NEURL3: variants seen among roughly 807,000 people sequenced by gnomAD.
NEURL3 encodes the protein neuralized E3 ubiquitin protein ligase 3.
Under a neutral mutation model 17.6 loss-of-function variants are expected in NEURL3, and 19 were observed. The ratio of observed to expected loss-of-function variants is 1.08; its 90% CI spans 0.75 to 1.58. NEURL3 has a LOEUF of 1.58. Ranked by LOEUF, NEURL3 falls within the 40% of genes most tolerant of loss-of-function variation. The pLI, the probability that NEURL3 is intolerant of heterozygous loss-of-function variation, is 0.00. For missense variants in NEURL3, 342 were observed against 379.6 expected (o/e 0.90, Z 0.82); for synonymous variants, 180 against 161.4 (o/e 1.11, Z -0.87).
At position 96,499,644 on chromosome 2, in the gene NEURL3, T is replaced by C. The variant is rs577794697; in HGVS notation, c.515-195A>G. Among the ~76,000 whole-genome samples, 4 of 152,298 alleles carry C rather than the reference T, an allele frequency of 2.6e-5. No homozygotes were observed. The East Asian group carries it at 7.7e-4, about 29-fold the overall frequency. On this transcript the variant is annotated intron_variant, in intron 2 of 3. Transcript: ENST00000451794. ...GACCCAGCTGAGAATCCGAGAATCC[T>C]TGGGGCTGGAGATTCCTCCTCCTGA...
chr2:96,501,982 C>A (rs759649953), intron 1 of NEURL3, among the ~76,000 whole-genome samples: 9 of 152,208 alleles, frequency 5.9e-5, no homozygotes, highest in East Asian at 1.9e-4. Context: ...CAGGTTTACA[C>A]CCTCTAGCAG....
chr2:96,503,931 G>A (rs1278458796), intron 1 of NEURL3, among the ~76,000 whole-genome samples: 1 of 152,212 alleles, frequency 6.6e-6, no homozygotes, highest in South Asian at 2.1e-4. Flanking sequence ...AGAGGCAGCC[G>A]CTCTTTCTAT....
In NEURL3 at chr2:96,500,528, C is replaced by T. The variant is rs755911872; in HGVS notation, c.425G>A (p.Arg142Gln). ...GGGCACGCCCTCACGCAGCAGGAGC[C>T]GGCAGCCGGCGTTGACCTTGGCGAA... is the stretch of plus-strand genomic sequence containing the variant. ...CLFAKVNAGC[R>Q]LLLREGVPVG... Residue 142 changes from arginine to glutamine, a missense_variant, in exon 2 of 4, where the codon CGG becomes CAG. Arg to Gln is a conservative substitution (Grantham distance 43). Coordinates refer to ENST00000451794, the MANE Select transcript of NEURL3 (RefSeq NM_001285485.2). 6.3e-7 allele frequency: 1 copy of T among 1,579,054 alleles called. No homozygotes were observed. Among genetic ancestry groups the T allele is most frequent in the African/African-American group, 1.3e-5 (1 of 74,440 alleles).
At position 96,498,273 on chromosome 2, in the gene NEURL3, G is replaced by C; in HGVS notation, c.760C>G (p.Pro254Ala). Residue 254 changes from proline (P) to alanine (A), a missense_variant, in exon 4 of 4, where the codon CCT becomes GCT. Physicochemically the swap from Pro to Ala is conservative, Grantham distance 27. Transcript: ENST00000451794. The surrounding 1 kb of genome is among the most constrained non-coding windows in gnomAD (Gnocchi z 4.4). ...GAGCCTTCCTCAACCCTCAGAGCAG[G>C]AGGGCCCTGCGCAGGGGCTACCGCC... ...IEAVAPAQGP[P>A]ALRVEEGS 6.3e-7 allele frequency: 1 copy of C among 1,578,500 alleles called. No homozygotes were observed. The highest frequency in any genetic ancestry group is 1.1e-5 in the South Asian group (1 of 87,884).
At chr2:96,499,496 C>T (rs1186036445) in intron 2 of NEURL3, 47 bp from the exon 3 acceptor site, 1 of 1,525,826 alleles carries the variant, frequency 6.6e-7, no homozygotes, top group East Asian at 2.3e-5. Context: ...AGCCCAGGTG[C>T]CCCCCCATCC....
upstream of NEURL3, among the ~76,000 whole-genome samples, chr2:96,506,089 G>A (rs971115551): frequency 2.0e-5 from 3 of 152,184 alleles, no homozygotes; most frequent in Admixed American, 2.0e-4. Flanking sequence ...ATGGAGGGAA[G>A]GTGGCTTACT....
Position 96,500,722 on chromosome 2 carries a change from G to C in NEURL3, c.231C>G (p.Arg77=). The C allele has an allele frequency of 6.6e-7, 1 of 1,516,354 alleles. No homozygotes were observed. 93.9% of individuals were successfully genotyped at this position (1,516,354 alleles called of 1,614,324 possible). The part of the protein sequence containing the change: ...REESGWCGGL[R]VGFTRLDPAC... ...CGGGGTCCAGGCGCGTGAAGCCCAC[G>C]CGGAGGCCGCCGCACCAGCCGCTCT... The change falls in exon 2 of 4, where the codon CGC becomes CGG. Residue 77 remains arginine, a synonymous_variant. Coordinates refer to ENST00000451794, the MANE Select transcript of NEURL3 (RefSeq NM_001285485.2).
At chr2:96,500,253 T>C in intron 2 of NEURL3, 186 bp downstream of exon 2, 1 of 753,408 alleles carries the variant, frequency 1.3e-6, no homozygotes, top group Non-Finnish European at 2.1e-6. Context: ...GGGACAAGAC[T>C]GCCCTCCCTA....
At chr2:96,503,216 T>C (rs925044695) in intron 1 of NEURL3, among the ~76,000 whole-genome samples, 9 of 152,138 alleles carry the variant, frequency 5.9e-5, no homozygotes, top group Non-Finnish European at 1.0e-4. Flanking sequence ...CGGAATGGCC[T>C]TGAGGGTGCA....
rs564076465 is a variant in NEURL3 at position 96,500,501 on chromosome 2, A to C, written c.452T>G (p.Val151Gly). The C allele has an allele frequency of 6.3e-7, 1 of 1,592,924 alleles. No homozygotes were observed. Among genetic ancestry groups the C allele is most frequent in the African/African-American group, 1.3e-5 (1 of 74,936 alleles). ...CATCACGGCCCAGAGCGGGGCGCCG[A>C]CGGGCACGCCCTCACGCAGCAGGAG... ...CRLLLREGVP[V>G]GAPLWAVMDV... The change falls in exon 2 of 4, where the codon GTC becomes GGC. Residue 151 changes from valine to glycine, a missense_variant. Physicochemically the swap from Val to Gly is moderately radical, Grantham distance 109. Transcript: ENST00000451794.
At position 96,499,364 on chromosome 2, in the gene NEURL3, G is replaced by A; in HGVS notation, c.586+14C>T. ...GATTCCCGGGGAGTCCCTGATTCTT[G>A]GGAAGGCACTCACCTTTGGGCTCAG... is the stretch of plus-strand genomic sequence containing the variant. On this transcript the variant is annotated intron_variant, in intron 3 of 3. Coordinates refer to ENST00000451794, the MANE Select transcript of NEURL3 (RefSeq NM_001285485.2). 2.5e-6 allele frequency: 4 copies of A among 1,598,902 alleles called. No homozygotes were observed. Among genetic ancestry groups the A allele is most frequent in the Non-Finnish European group, 3.4e-6 (4 of 1,179,342 alleles).
intron 1 of NEURL3, chr2:96,504,820 G>GT (rs1460629601): frequency 6.8e-6 from 1 of 146,782 alleles, no homozygotes; most frequent in African/African-American, 2.5e-5. Flanking sequence ...AGAGCTTGCA[G>GT]TGAGCTGAGA....
chr2:96,503,380 G>A lies in NEURL3; in HGVS notation c.28+1879C>T, dbSNP rs1016181148. Among the ~76,000 whole-genome samples the A allele has an allele frequency of 5.3e-5, 8 of 152,230 alleles. No homozygotes were observed. The South Asian group carries it at 6.2e-4, about 12-fold the overall frequency. On this transcript the variant is annotated intron_variant, in intron 1 of 3. Coordinates refer to ENST00000451794, the MANE Select transcript of NEURL3 (RefSeq NM_001285485.2). Reference sequence around the variant, plus strand: ...CAGGGCTGGTGGGTGCCGAGGGGACGTGGTGGCTGCACAGGTCATTCCGCA... The same window carrying A: ...CAGGGCTGGTGGGTGCCGAGGGGACATGGTGGCTGCACAGGTCATTCCGCA...
intron 2 of NEURL3, 43 bp from the exon 3 acceptor site, chr2:96,499,492 G>A (rs758541255): frequency 3.2e-6 from 5 of 1,571,336 alleles, no homozygotes; most frequent in Middle Eastern, 3.6e-4. Context: ...GGCAAGCCCA[G>A]GTGCCCCCCC....
chr2:96,503,409 G>A lies in NEURL3; in HGVS notation c.28+1850C>T, dbSNP rs145130630. Among the ~76,000 whole-genome samples, 1,229 of 152,254 alleles carry A rather than the reference G, an allele frequency of 8.1e-3. 9 individuals carry two copies. The highest frequency in any genetic ancestry group is 0.011 in the Non-Finnish European group (742 of 67,996). On this transcript the variant is annotated intron_variant, in intron 1 of 3. Coordinates refer to ENST00000451794, the MANE Select transcript of NEURL3 (RefSeq NM_001285485.2). ...TGGCTGCACAGGTCATTCCGCAGCC[G>A]GGGCATCTAAGCAGCCTCCTCTGTG...
At position 96,499,463 on chromosome 2, in the gene NEURL3, A is replaced by G. The variant is rs762600543; in HGVS notation, c.515-14T>C. 32 of 1,599,244 alleles carry G rather than the reference A, an allele frequency of 2.0e-5. 1 individual carries two copies. The Admixed American group carries it at 5.3e-4, about 27-fold the overall frequency. On this transcript the variant is annotated splice_polypyrimidine_tract_variant and intron_variant, in intron 2 of 3. Transcript: ENST00000451794. Reference sequence around the variant, plus strand: ...TGGCTGTGGGATCTGAGGCAGAGAGAGAAACTCAGGTCCAGGACGGCAAGC... The same window carrying G: ...TGGCTGTGGGATCTGAGGCAGAGAGGGAAACTCAGGTCCAGGACGGCAAGC...
chr2:96,505,373 G>A (rs2065552947), upstream of NEURL3: 21 of 1,416,200 alleles, frequency 1.5e-5, no homozygotes, highest in Non-Finnish European at 1.9e-5. Flanking sequence ...AGATTCAGCA[G>A]GTCTGCTTTT....
At chr2:96,506,781 C>G (rs1031293836), upstream of NEURL3, among the ~76,000 whole-genome samples, 8 of 152,234 alleles carry the variant, frequency 5.3e-5, no homozygotes, top group Non-Finnish European at 1.0e-4. Context: ...AACTCTGAGC[C>G]TCAGACTGTC....
chr2:96,501,700 A>G (rs534679434), intron 1 of NEURL3, among the ~76,000 whole-genome samples: 7 of 152,124 alleles, frequency 4.6e-5, no homozygotes, highest in African/African-American at 1.4e-4. Context: ...TCAGAAGGGG[A>G]AAGCACCTCA....
Sources: allele counts gnomAD v4.1 joint callset (sites outside exome capture counted in the v4.1 genomes callset), GRCh38; gene constraint gnomAD v4.1.1; non-coding constraint Gnocchi (gnomAD v3.1); transcripts MANE v1.5; gene names NCBI Gene and HGNC (gene_info 2026-07-23, HGNC 2026-07-21).